PRKCA: variants seen among roughly 807,000 people sequenced by gnomAD.
PRKCA encodes the protein protein kinase C alpha type.
In PRKCA, 27 loss-of-function variants were observed where a neutral mutation model predicts 87.0. That is an observed-to-expected ratio of 0.31 (90% CI 0.23 to 0.43). The LOEUF (loss-of-function observed/expected upper bound fraction) is 0.43, where lower values mean the gene tolerates loss of function less well. Ranked by LOEUF, PRKCA falls within the 20% of genes least tolerant of loss-of-function variation. The pLI is 1.00. For missense variants in PRKCA, 518 were observed against 852.3 expected, an observed-to-expected ratio of 0.61 and a Z score of 4.88; for synonymous variants, 329 against 311.1, an observed-to-expected ratio of 1.06 and a Z score of -0.61.
At chr17:66,319,803 G>A (rs1905541736) in intron 2 of PRKCA, among the ~76,000 whole-genome samples, 1 of 151,872 alleles carries the variant, frequency 6.6e-6, no homozygotes, top group African/African-American at 2.4e-5. Context: ...GTACAGTGGT[G>A]TGATCTTGGC....
intron 2 of PRKCA, among the ~76,000 whole-genome samples, chr17:66,393,648 G>A (rs1413205703): frequency 6.6e-6 from 1 of 151,136 alleles, no homozygotes; most frequent in Non-Finnish European, 1.5e-5. Context: ...GCACGTGTGT[G>A]TGTGTGTGTG....
At chr17:66,702,337 A>G (rs760829453) in intron 8 of PRKCA, among the ~76,000 whole-genome samples, 6 of 152,174 alleles carry the variant, frequency 3.9e-5, no homozygotes, top group Non-Finnish European at 5.9e-5. Flanking sequence ...AGAAACACAA[A>G]TAGTGCATGT....
intron 2 of PRKCA, among the ~76,000 whole-genome samples, chr17:66,332,695 A>AT (rs11405379): frequency 0.53 from 75,478 of 142,882 alleles, 19,755 homozygotes; most frequent in Middle Eastern, 0.67. Flanking sequence ...TTTGTTTTTA[A>AT]TTTTTTTTTT....
intron 11 of PRKCA, among the ~76,000 whole-genome samples, chr17:66,740,159 G>A (rs1438282219): frequency 6.6e-6 from 1 of 151,258 alleles, no homozygotes; most frequent in East Asian, 1.9e-4. Context: ...TTTGAGGGGG[G>A]AGATTCATGA....
chr17:66,765,030 C>T (rs1974767278), intron 13 of PRKCA, among the ~76,000 whole-genome samples: 1 of 152,156 alleles, frequency 6.6e-6, no homozygotes, highest in African/African-American at 2.4e-5. Context: ...CACTGTCCAA[C>T]AAAAGTAAAA....
chr17:66,543,604 C>T (rs1040459061), intron 3 of PRKCA, among the ~76,000 whole-genome samples: 1 of 152,122 alleles, frequency 6.6e-6, no homozygotes, highest in Non-Finnish European at 1.5e-5. Flanking sequence ...ATTGACCATG[C>T]AGAAATCTGT....
At chr17:66,729,580 G>GC (rs1177653629) in intron 8 of PRKCA, among the ~76,000 whole-genome samples, 4 of 152,004 alleles carry the variant, frequency 2.6e-5, no homozygotes, top group Non-Finnish European at 5.9e-5. Flanking sequence ...GTTTCCAGTG[G>GC]CCCCAAATTC....
intron 8 of PRKCA, among the ~76,000 whole-genome samples, chr17:66,720,410 G>A (rs547676210): frequency 5.9e-5 from 9 of 152,272 alleles, no homozygotes; most frequent in Middle Eastern, 3.4e-3. Flanking sequence ...CTGTTGCCCC[G>A]TTACCGAGTA....
chr17:66,306,282 A>G, intron 2 of PRKCA, 155 bp downstream of exon 2: 1 of 659,532 alleles, frequency 1.5e-6, no homozygotes. Context: ...TTAAAAAATA[A>G]TTGGGGCCTA....
At chr17:66,570,481 C>T (rs1969046054) in intron 3 of PRKCA, among the ~76,000 whole-genome samples, 3 of 152,084 alleles carry the variant, frequency 2.0e-5, no homozygotes, top group South Asian at 4.2e-4. Context: ...TTTTAAAAAG[C>T]AGTGCCTTCA....
intron 2 of PRKCA, among the ~76,000 whole-genome samples, chr17:66,356,492 G>A (rs1010092557): frequency 6.6e-6 from 1 of 151,986 alleles, no homozygotes; most frequent in Non-Finnish European, 1.5e-5. Context: ...AAAATTAGCC[G>A]GGCGTGGTGT....
intron 2 of PRKCA, among the ~76,000 whole-genome samples, chr17:66,359,160 A>T (rs1908237127): frequency 6.6e-6 from 1 of 152,112 alleles, no homozygotes; most frequent in African/African-American, 2.4e-5. Context: ...AAATTTGGGG[A>T]GAGCCAAGTA....
At chr17:66,701,187 G>A (rs1306642648) in intron 8 of PRKCA, among the ~76,000 whole-genome samples, 1 of 152,104 alleles carries the variant, frequency 6.6e-6, no homozygotes, top group African/African-American at 2.4e-5. Flanking sequence ...CAAGGATACA[G>A]AATAAAGCAA....
chr17:66,303,104 C>A lies in PRKCA; in HGVS notation c.173+80C>A. The A allele has an allele frequency of 3.2e-6, 5 of 1,543,402 alleles. No individual in the cohort carries two copies. In the South Asian group the frequency reaches 5.8e-5, roughly 18 times the overall value. Reference sequence around the variant, plus strand: ...CACCCGGCGCTCCGGCGCGTCCGCCCCGGGGCTGGCTCACTCCGATAACTT... The same window carrying A: ...CACCCGGCGCTCCGGCGCGTCCGCCACGGGGCTGGCTCACTCCGATAACTT... On this transcript the variant is annotated intron_variant, in intron 1 of 16. Coordinates refer to ENST00000413366, the MANE Select transcript of PRKCA (RefSeq NM_002737.3).
Position 66,711,805 on chromosome 17 carries a change from A to G in PRKCA, c.919-20883A>G, listed in dbSNP as rs182060432. Among the ~76,000 whole-genome samples, 13 of 152,292 alleles carry G rather than the reference A, an allele frequency of 8.5e-5. No individual in the cohort carries two copies. The East Asian group carries it at 2.3e-3, about 27-fold the overall frequency. On this transcript the variant is annotated intron_variant, in intron 8 of 16. Coordinates refer to ENST00000413366, the MANE Select transcript of PRKCA (RefSeq NM_002737.3). Reference sequence around the variant, plus strand: ...CACTGTCCTAAAGACAGCATCTAATAAATAATGTTTTTAGAGTTTCTCATC... The same window carrying G: ...CACTGTCCTAAAGACAGCATCTAATGAATAATGTTTTTAGAGTTTCTCATC...
At chr17:66,510,936 G>A (rs762403310) in intron 3 of PRKCA, among the ~76,000 whole-genome samples, 1 of 151,918 alleles carries the variant, frequency 6.6e-6, no homozygotes. Context: ...TTGTAGAGAC[G>A]GGATTTTGCC....
intron 2 of PRKCA, among the ~76,000 whole-genome samples, chr17:66,342,016 C>T (rs954268162): frequency 2.0e-5 from 3 of 152,150 alleles, no homozygotes; most frequent in African/African-American, 7.2e-5. Context: ...ATAAATTCAG[C>T]CATTCTGCAA....
chr17:66,668,109 T>A (rs889709623), intron 5 of PRKCA, among the ~76,000 whole-genome samples: 1 of 152,184 alleles, frequency 6.6e-6, no homozygotes, highest in Non-Finnish European at 1.5e-5. Context: ...AGCAAGAAGA[T>A]TTTTTGGGCC....
rs1567916867 is a variant in PRKCA at position 66,587,722 on chromosome 17, T to TCTAC, written c.289-53633_289-53632insCTAC. Among the ~76,000 whole-genome samples, 783 of 114,554 alleles carry TCTAC rather than the reference T, an allele frequency of 6.8e-3. 12 individuals are homozygous for TCTAC. Among genetic ancestry groups the TCTAC allele is most frequent in the Admixed American group, 9.9e-3 (104 of 10,488 alleles). The allele number at this position is 114,554 out of a possible 152,430, so 75.2% of individuals were successfully genotyped here. A position where few individuals can be genotyped will look rare whatever the true frequency, so the allele number is the denominator to read the frequency against. On this transcript the variant is annotated intron_variant, in intron 3 of 16. Coordinates refer to ENST00000413366, the MANE Select transcript of PRKCA (RefSeq NM_002737.3). The stretch of plus-strand genomic sequence containing the variant: ...ATACATATATACGTATATGTGTGTA[T>TCTAC]ATGTATACATATATACGTATATGTG...
Sources: allele counts gnomAD v4.1 joint callset (sites outside exome capture counted in the v4.1 genomes callset), GRCh38; gene constraint gnomAD v4.1.1; transcripts MANE v1.5; gene names NCBI Gene and HGNC (gene_info 2026-07-23, HGNC 2026-07-21).